TEX2: variants seen among roughly 807,000 people sequenced by gnomAD.
TEX2 encodes the protein testis expressed 2, also known as testis-expressed protein 2.
TEX2 carries 53 observed loss-of-function variants against 106.9 expected under a neutral mutation model. That is an observed-to-expected ratio of 0.50 (90% CI 0.40 to 0.62). The LOEUF (loss-of-function observed/expected upper bound fraction) is 0.62. Ranked by LOEUF, TEX2 falls within the 20% of genes least tolerant of loss-of-function variation. The probability of loss-of-function intolerance (pLI) is 0.00; values close to 1 mark genes in which losing one functional copy is unlikely to be tolerated. For missense variants in TEX2, 1,207 were observed against 1,379.0 expected (o/e 0.88, Z 1.98); for synonymous variants, 523 against 534.8 (o/e 0.98, Z 0.30).
rs1226467573 is a variant in TEX2, at chr17:64,147,458, AT to A, written c.*1510del. ...TCTAGTATTTGACATTGAGATATTT[AT>A]TTTGTGAAACAATGCAAGCGATTTT... is the stretch of plus-strand genomic sequence containing the variant. On this transcript the variant is annotated 3_prime_UTR_variant, in exon 12 of 12. Coordinates refer to ENST00000584379, the MANE Select transcript of TEX2 (RefSeq NM_001288732.2). 1 of 152,158 alleles carries A rather than the reference AT, an allele frequency of 6.6e-6. No individual in the cohort carries two copies. The highest frequency in any genetic ancestry group is 1.5e-5 in the Non-Finnish European group (1 of 68,012). 9.4% of individuals were successfully genotyped at this position (152,158 alleles called of 1,614,324 possible).
chr17:64,164,446 A>AAC (rs2031034079), intron 7 of TEX2, among the ~76,000 whole-genome samples: 4 of 150,960 alleles, frequency 2.6e-5, no homozygotes, highest in Admixed American at 2.6e-4. Context: ...AAAAAAAAAA[A>AAC]ACCCTGGCAC....
chr17:64,160,897 G>A lies in TEX2; in HGVS notation c.2708C>T (p.Ser903Phe), dbSNP rs2030852567. 2 of 1,614,068 alleles carry A rather than the reference G, an allele frequency of 1.2e-6. No individual in the cohort carries two copies. ...WIDLEMSYNGSFLMTLETKMN... is the reference protein window; with the variant it reads ...WIDLEMSYNGFFLMTLETKMN... The stretch of plus-strand genomic sequence containing the variant: ...TTTGGTCTCGAGAGTCATCAGAAAG[G>A]ACCCATTGTAGGACATTTCCAAATC... Residue 903 changes from serine (S) to phenylalanine (F), a missense_variant, in exon 8 of 12, where the codon TCC becomes TTC. Physicochemically the swap from Ser to Phe is radical, Grantham distance 155. Around this residue, in one of 3 missense-constraint regions of TEX2, gnomAD observed 1,067 missense variants for 1,193.6 expected, o/e 0.89. Coordinates refer to ENST00000584379, the MANE Select transcript of TEX2 (RefSeq NM_001288732.2).
intron 7 of TEX2, among the ~76,000 whole-genome samples, chr17:64,167,494 CACG>C (rs1224398636): frequency 6.6e-6 from 1 of 152,092 alleles, no homozygotes; most frequent in Non-Finnish European, 1.5e-5. Flanking sequence ...ATTTAATCCT[CACG>C]ACAAGCTTAT....
At chr17:64,167,358 C>T (rs1277819119) in intron 7 of TEX2, among the ~76,000 whole-genome samples, 1 of 152,218 alleles carries the variant, frequency 6.6e-6, no homozygotes, top group Non-Finnish European at 1.5e-5. Flanking sequence ...GACACTATGG[C>T]CGCCTCCATG....
intron 10 of TEX2, among the ~76,000 whole-genome samples, chr17:64,152,485 C>T (rs1418846233): frequency 6.6e-6 from 1 of 152,136 alleles, no homozygotes; most frequent in Admixed American, 6.6e-5. Flanking sequence ...CCCTAACTTC[C>T]CAGACTCTGT....
intron 7 of TEX2, 118 bp downstream of exon 7, chr17:64,170,982 A>C (rs899475265): frequency 7.1e-5 from 56 of 787,928 alleles, no homozygotes; most frequent in Non-Finnish European, 8.5e-5. Flanking sequence ...AAGACACTCA[A>C]CATGAAACAG....
At chr17:64,211,706 G>T (rs1263685518) in intron 2 of TEX2, among the ~76,000 whole-genome samples, 5 of 151,994 alleles carry the variant, frequency 3.3e-5, no homozygotes, top group Non-Finnish European at 7.4e-5. Flanking sequence ...GGTATCCTTG[G>T]GGGGGGTCCT....
chr17:64,214,093 C>T lies in TEX2; in HGVS notation c.125G>A (p.Gly42Asp). Residue 42 changes from glycine to aspartate, a missense_variant, in exon 2 of 12, where the codon GGC becomes GAC. Gly to Asp is a moderately conservative substitution (Grantham distance 94). This residue lies in a region of TEX2 where 1,067 missense variants were observed against 1,193.6 expected (regional missense o/e 0.89). Transcript: ENST00000584379. ...DTIAIHFSASGEEEEEEEEEF... is the reference protein window; with the variant it reads ...DTIAIHFSASDEEEEEEEEEF... ...CTCCTCCTCTTCCTCCTCCTCCTCG[C>T]CGGATGCCGAGAAGTGAATGGCGAT... 6.2e-7 allele frequency: 1 copy of T among 1,614,174 alleles called. No homozygotes were observed. Among genetic ancestry groups the T allele is most frequent in the South Asian group, 1.1e-5 (1 of 91,082 alleles).
At chr17:64,154,515 A>C (rs893060846) in intron 9 of TEX2, among the ~76,000 whole-genome samples, 27 of 152,268 alleles carry the variant, frequency 1.8e-4, no homozygotes, top group African/African-American at 6.0e-4. Context: ...GAGGGGAGGG[A>C]GGCTCTCCGG....
chr17:64,172,495 T>C (rs1488665414), intron 6 of TEX2, among the ~76,000 whole-genome samples: 2 of 152,188 alleles, frequency 1.3e-5, no homozygotes, highest in Non-Finnish European at 2.9e-5. Flanking sequence ...AGCTTCTGGT[T>C]GGGCATGGCC....
At chr17:64,169,305 C>T (rs1259508145) in intron 7 of TEX2, among the ~76,000 whole-genome samples, 1 of 152,192 alleles carries the variant, frequency 6.6e-6, no homozygotes, top group African/African-American at 2.4e-5. Flanking sequence ...TTTAAAAGTG[C>T]TAGGATTACA....
intron 4 of TEX2, 88 bp downstream of exon 4, chr17:64,193,463 GCTTCCTTC>G (rs3841655): frequency 9.1e-6 from 9 of 993,950 alleles, no homozygotes; most frequent in East Asian, 5.4e-5. Flanking sequence ...TTCAGGGTGG[GCTTCCTTC>G]CTTCCTTCCT....
At chr17:64,260,500 A>C (rs972846322) in intron 1 of TEX2, among the ~76,000 whole-genome samples, 6 of 152,134 alleles carry the variant, frequency 3.9e-5, no homozygotes, top group Admixed American at 2.0e-4. Context: ...TCAATGTCCT[A>C]GACTGACATT....
At chr17:64,191,379 G>GGT (rs2032290042) in intron 4 of TEX2, among the ~76,000 whole-genome samples, 1 of 152,160 alleles carries the variant, frequency 6.6e-6, no homozygotes, top group African/African-American at 2.4e-5. Flanking sequence ...TACCTAAGGT[G>GGT]GTGTTTCCTG....
At chr17:64,181,447 C>A (rs1042841287) in intron 5 of TEX2, among the ~76,000 whole-genome samples, 2 of 141,298 alleles carry the variant, frequency 1.4e-5, no homozygotes, top group Non-Finnish European at 3.0e-5. Flanking sequence ...CTGTACTCCA[C>A]CCTGGCCACA....
intron 2 of TEX2, among the ~76,000 whole-genome samples, chr17:64,207,730 C>CA (rs1555630937): frequency 6.8e-6 from 1 of 148,078 alleles, no homozygotes; most frequent in Non-Finnish European, 1.5e-5. Flanking sequence ...TAGTATTTGC[C>CA]TTTTTTTTTT....
chr17:64,153,172 A>G lies in TEX2; in HGVS notation c.2931-18T>C. 1 of 1,592,204 alleles carries G rather than the reference A, an allele frequency of 6.3e-7. No homozygotes were observed. Among genetic ancestry groups the G allele is most frequent in the Non-Finnish European group, 8.6e-7 (1 of 1,162,034 alleles). On this transcript the variant is annotated intron_variant, in intron 9 of 11. Coordinates refer to ENST00000584379, the MANE Select transcript of TEX2 (RefSeq NM_001288732.2). This position sits in a 1 kb window ranked among gnomAD's most constrained non-coding sequence, Gnocchi z 4.1. ...CAACGTACCTTCAAATGTGGAACAC[A>G]AAGGGCGGTTAGCACAAACTTTGCT...
intron 1 of TEX2, among the ~76,000 whole-genome samples, chr17:64,220,889 G>A (rs1171571850): frequency 6.6e-6 from 1 of 152,094 alleles, no homozygotes; most frequent in Non-Finnish European, 1.5e-5. Context: ...CTCTTATAAA[G>A]ATACATGCAC....
chr17:64,206,036 G>A (rs782387497), intron 2 of TEX2, among the ~76,000 whole-genome samples: 7 of 152,192 alleles, frequency 4.6e-5, no homozygotes, highest in Non-Finnish European at 8.8e-5. Context: ...CATGTAGAAA[G>A]TTAGTGTGCA....
Sources: allele counts gnomAD v4.1 joint callset (sites outside exome capture counted in the v4.1 genomes callset), GRCh38; gene constraint gnomAD v4.1.1; regional missense constraint gnomAD v4.1.1; non-coding constraint Gnocchi (gnomAD v3.1); transcripts MANE v1.5; gene names NCBI Gene and HGNC (gene_info 2026-07-23, HGNC 2026-07-21).